WDR45B: variants seen among roughly 807,000 people sequenced by gnomAD.
WDR45B encodes the protein WD repeat domain phosphoinositide-interacting protein 3.
In WDR45B, 20 loss-of-function variants were observed where a neutral mutation model predicts 44.6. That is an observed-to-expected ratio of 0.45 (90% CI 0.32 to 0.65). The LOEUF is 0.65. WDR45B is among the 30% of genes least tolerant of loss of function. The pLI is 0.05. For missense variants in WDR45B, 323 were observed against 430.2 expected (o/e 0.75, Z 2.20); for synonymous variants, 169 against 164.9 (o/e 1.02, Z -0.19).
chr17:82,616,571 C>T lies in WDR45B; in HGVS notation c.881G>A (p.Gly294Asp), dbSNP rs2045538423. The T allele has an allele frequency of 6.2e-7, 1 of 1,614,002 alleles. No individual in the cohort carries two copies. The highest frequency in any genetic ancestry group is 1.7e-5 in the Admixed American group (1 of 59,994). The change falls in exon 9 of 10, where the codon GGC (glycine) becomes GAC (aspartate). Residue 294 changes from glycine (G) to aspartate (D), a missense_variant. Coordinates refer to ENST00000392325, the MANE Select transcript of WDR45B (RefSeq NM_019613.4). ...TCCAAAGGCACAAATGCACGGAGAGCCTGAGGGAACCTGAAACTTGGAGAA... is the reference window on the plus strand; with the variant it reads ...TCCAAAGGCACAAATGCACGGAGAGTCTGAGGGAACCTGAAACTTGGAGAA... ...WSFSKFQVPS[G>D]SPCICAFGTE...
intron 1 of WDR45B, among the ~76,000 whole-genome samples, chr17:82,646,488 C>CAAAAAAAAAAAAAAAAAAAAAAA (rs779661551): frequency 1.0e-4 from 2 of 19,938 alleles, no homozygotes; most frequent in Non-Finnish European, 2.0e-4. Flanking sequence ...AACTCCGTCT[C>CAAAAAAAAAAAAAAAAAAAAAAA]AAAAAAAAAA....
intron 4 of WDR45B, 165 bp from the exon 5 acceptor site, chr17:82,625,648 T>C: frequency 9.8e-6 from 7 of 711,432 alleles, no homozygotes; most frequent in Admixed American, 2.2e-5. Context: ...GCGCCAGGCC[T>C]GGAGCTCGGC....
At chr17:82,641,059 G>A (rs1395828480) in intron 2 of WDR45B, among the ~76,000 whole-genome samples, 1 of 145,846 alleles carries the variant, frequency 6.9e-6, no homozygotes, top group Non-Finnish European at 1.5e-5. Flanking sequence ...TCGGCCTCCC[G>A]GGTTTAAGTG....
intron 5 of WDR45B, among the ~76,000 whole-genome samples, chr17:82,623,123 G>A (rs1210019888): frequency 6.6e-6 from 1 of 152,210 alleles, no homozygotes; most frequent in Non-Finnish European, 1.5e-5. Flanking sequence ...CGGGCACAGT[G>A]GCTCACGCCT....
At chr17:82,625,686 G>T in intron 4 of WDR45B, 1 of 589,072 alleles carries the variant, frequency 1.7e-6, no homozygotes, top group South Asian at 1.8e-5. Flanking sequence ...CTCTGCTGAG[G>T]GAGTGCTTCT....
In WDR45B at chr17:82,615,696, C is replaced by T. The variant is rs1470518287; in HGVS notation, c.*223G>A. On this transcript the variant is annotated 3_prime_UTR_variant, in exon 10 of 10. Transcript: ENST00000392325. Reference sequence around the variant, plus strand: ...GAACAGCCAGTGGCCGCCAGTCGAGCTGGTCACAGCCACTGAGTTACCTAC... The same window carrying T: ...GAACAGCCAGTGGCCGCCAGTCGAGTTGGTCACAGCCACTGAGTTACCTAC... 7 of 569,396 alleles carry T rather than the reference C, an allele frequency of 1.2e-5. No homozygotes were observed. Among genetic ancestry groups the T allele is most frequent in the Non-Finnish European group, 2.2e-5 (7 of 317,050 alleles). 35.3% of individuals were successfully genotyped at this position (569,396 alleles called of 1,614,324 possible). A position where few individuals can be genotyped will look rare whatever the true frequency, so the allele number is the denominator to read the frequency against.
intron 1 of WDR45B, among the ~76,000 whole-genome samples, chr17:82,648,073 G>A (rs2046004752): frequency 6.7e-6 from 1 of 149,332 alleles, no homozygotes; most frequent in Admixed American, 6.7e-5. Flanking sequence ...GAGCCGGTTC[G>A]GGCCTGGTCC....
intron 2 of WDR45B, among the ~76,000 whole-genome samples, chr17:82,642,066 G>C (rs890569836): frequency 6.6e-6 from 1 of 152,132 alleles, no homozygotes; most frequent in Non-Finnish European, 1.5e-5. Flanking sequence ...AGCCGAGGGA[G>C]GGCTTGGAAA....
intron 2 of WDR45B, among the ~76,000 whole-genome samples, chr17:82,637,728 G>A (rs1289944593): frequency 6.6e-6 from 1 of 152,026 alleles, no homozygotes; most frequent in Non-Finnish European, 1.5e-5. Flanking sequence ...ATGAAGAGAT[G>A]CATAGGGCAA....
intron 3 of WDR45B, among the ~76,000 whole-genome samples, chr17:82,627,981 T>C (rs1271090094): frequency 6.6e-6 from 1 of 152,218 alleles, no homozygotes; most frequent in East Asian, 1.9e-4. Flanking sequence ...GGTCCTGGGT[T>C]GTTCTTCCTC....
intron 2 of WDR45B, among the ~76,000 whole-genome samples, chr17:82,634,863 G>A (rs1453088140): frequency 1.3e-5 from 2 of 151,894 alleles, no homozygotes; most frequent in Non-Finnish European, 2.9e-5. Flanking sequence ...TGCGGTACCC[G>A]GCCTGAAGTT....
Position 82,644,549 on chromosome 17 carries a change from A to G in WDR45B, c.68-526T>C, listed in dbSNP as rs76345702. The G allele has an allele frequency of 3.1e-3, 577 of 187,946 alleles. 8 individuals carry two copies. The highest frequency in any genetic ancestry group is 0.012 in the African/African-American group (529 of 42,908). 11.6% of individuals were successfully genotyped at this position (187,946 alleles called of 1,614,324 possible). A position where few individuals can be genotyped will look rare whatever the true frequency, so the allele number is the denominator to read the frequency against. On this transcript the variant is annotated intron_variant, in intron 1 of 9. Coordinates refer to ENST00000392325, the MANE Select transcript of WDR45B (RefSeq NM_019613.4). ...TCCTTAAAATCCTGTCAGAGTCTCA[A>G]TGAGTTACCCAGGTCACTCATCCTG...
chr17:82,626,533 C>CAAAAAAAAAA lies in WDR45B; in HGVS notation c.332+661_332+670dup, dbSNP rs562186058. Reference sequence around the variant, plus strand: ...GGCAACAGAGCAAGACTCTATCTCCCAAAAAAAAAAAAAAAAAAAAAAAAA... The same window carrying CAAAAAAAAAA: ...GGCAACAGAGCAAGACTCTATCTCCCAAAAAAAAAAAAAAAAAAAAAAAAAAAAAAAAAAA... On this transcript the variant is annotated intron_variant, in intron 4 of 9. Coordinates refer to ENST00000392325, the MANE Select transcript of WDR45B (RefSeq NM_019613.4). 9.8e-4 allele frequency among the ~76,000 whole-genome samples: 78 copies of CAAAAAAAAAA among 79,444 alleles called. 3 individuals carry two copies. Among genetic ancestry groups the CAAAAAAAAAA allele is most frequent in the African/African-American group, 5.2e-3 (71 of 13,664 alleles). The allele number at this position is 79,444 out of a possible 152,430, so 52.1% of individuals were successfully genotyped here.
chr17:82,628,040 T>G (rs1474821125), intron 3 of WDR45B, among the ~76,000 whole-genome samples: 2 of 152,234 alleles, frequency 1.3e-5, no homozygotes, highest in African/African-American at 2.4e-5. Flanking sequence ...TCGCCCAGGC[T>G]GGAGTGCGGT....
At chr17:82,645,288 A>G (rs2045961910) in intron 1 of WDR45B, among the ~76,000 whole-genome samples, 1 of 149,524 alleles carries the variant, frequency 6.7e-6, no homozygotes, top group African/African-American at 2.5e-5. Flanking sequence ...ACACAGCAAG[A>G]CTCCGTCTCA....
intron 4 of WDR45B, 140 bp downstream of exon 4, chr17:82,627,064 T>A (rs1391027273): frequency 1.3e-6 from 1 of 788,436 alleles, no homozygotes; most frequent in Non-Finnish European, 2.2e-6. Context: ...AATCCTTATA[T>A]CCTTATGGTC....
chr17:82,621,134 A>G (rs951068382), intron 6 of WDR45B, among the ~76,000 whole-genome samples: 2 of 151,170 alleles, frequency 1.3e-5, no homozygotes, highest in Admixed American at 1.3e-4. Context: ...GCTCACTGCA[A>G]TCTCCACCTC....
intron 5 of WDR45B, among the ~76,000 whole-genome samples, chr17:82,624,233 A>T (rs1226319942): frequency 6.6e-6 from 1 of 152,186 alleles, no homozygotes; most frequent in African/African-American, 2.4e-5. Context: ...TTGAGTGGGG[A>T]GGGGACTGTC....
At chr17:82,636,771 C>A (rs1422679952) in intron 2 of WDR45B, among the ~76,000 whole-genome samples, 3 of 151,982 alleles carry the variant, frequency 2.0e-5, no homozygotes, top group Non-Finnish European at 4.4e-5. Context: ...AACAGCCTAC[C>A]CGCTTCCCGT....
Sources: allele counts gnomAD v4.1 joint callset (sites outside exome capture counted in the v4.1 genomes callset), GRCh38; gene constraint gnomAD v4.1.1; transcripts MANE v1.5; gene names NCBI Gene and HGNC (gene_info 2026-07-23, HGNC 2026-07-21).